The following ADK variants were observed in gnomAD, a reference collection of about 807,000 sequenced individuals.
The protein encoded by ADK is N6,N6-dimethyladenosine kinase.
A neutral mutation model predicts 44.7 loss-of-function variants in ADK; 24 were observed. That is an observed-to-expected ratio of 0.54 (90% CI 0.39 to 0.76). The LOEUF (loss-of-function observed/expected upper bound fraction) is 0.76, where lower values mean the gene tolerates loss of function less well. Among genes scored for constraint, ADK ranks in the 30% least tolerant of loss-of-function variants. The pLI, the probability that ADK is intolerant of heterozygous loss-of-function variation, is 0.00. For synonymous variants in ADK, 128 were observed against 142.6 expected, an observed-to-expected ratio of 0.90 and a Z score of 0.73; for missense variants, 321 against 425.1, an observed-to-expected ratio of 0.76 and a Z score of 2.15.
At chr10:74,700,449 G>GC (rs1856380897) in intron 10 of ADK, among the ~76,000 whole-genome samples, 1 of 152,124 alleles carries the variant, frequency 6.6e-6, no homozygotes, top group African/African-American at 2.4e-5. Flanking sequence ...CACCACGTTG[G>GC]CCAGGCAGGT....
At chr10:74,351,276 C>A (rs983747005) in intron 4 of ADK, among the ~76,000 whole-genome samples, 3 of 152,152 alleles carry the variant, frequency 2.0e-5, no homozygotes, top group African/African-American at 7.2e-5. Flanking sequence ...ATACGCAAAT[C>A]AATAAACGTA....
chr10:74,436,674 A>C lies in ADK; in HGVS notation c.555+38095A>C, dbSNP rs577795204. ...AATTGGTGAAAAGATAGCCTTTTCA[A>C]AATGTTGCTGTGGCAACATGACGTC... On this transcript the variant is annotated intron_variant, in intron 6 of 10. Coordinates refer to ENST00000539909, the MANE Select transcript of ADK (RefSeq NM_006721.4). Among the ~76,000 whole-genome samples, 133 of 152,332 alleles carry C rather than the reference A, an allele frequency of 8.7e-4. 1 individual carries two copies. The East Asian group carries it at 0.024, about 27-fold the overall frequency.
chr10:74,637,949 T>C (rs74375510), intron 9 of ADK, among the ~76,000 whole-genome samples: 1,664 of 152,330 alleles, frequency 0.011, 27 homozygotes, highest in African/African-American at 0.038. Flanking sequence ...ATAGTGCAGT[T>C]TATTGTATGT....
chr10:74,280,296 G>A (rs1318361284), intron 3 of ADK, among the ~76,000 whole-genome samples: 1 of 151,976 alleles, frequency 6.6e-6, no homozygotes. Context: ...TAGAGATGGG[G>A]TTTCACTGTG....
chr10:74,650,460 A>G (rs1243937807), intron 9 of ADK, among the ~76,000 whole-genome samples: 2 of 152,172 alleles, frequency 1.3e-5, no homozygotes, highest in East Asian at 3.8e-4. Context: ...TGCGCTTTAC[A>G]GCTCACATAG....
chr10:74,509,072 C>G (rs530900752), intron 6 of ADK, among the ~76,000 whole-genome samples: 1 of 152,304 alleles, frequency 6.6e-6, no homozygotes, highest in South Asian at 2.1e-4. Flanking sequence ...TCACCCTATC[C>G]TCCCACTTGA....
chr10:74,645,322 T>C (rs1161904361), intron 9 of ADK, among the ~76,000 whole-genome samples: 1 of 152,218 alleles, frequency 6.6e-6, no homozygotes, highest in Admixed American at 6.5e-5. Context: ...GGTTCTCTAG[T>C]GTGTCATTTC....
Position 74,155,824 on chromosome 10 carries a change from G to T in ADK, c.65+4481G>T, listed in dbSNP as rs898666466. Among the ~76,000 whole-genome samples, 9 of 152,260 alleles carry T rather than the reference G, an allele frequency of 5.9e-5. 1 individual carries two copies. The East Asian group carries it at 1.7e-3, about 29-fold the overall frequency. On this transcript the variant is annotated intron_variant, in intron 1 of 10. Coordinates refer to ENST00000539909, the MANE Select transcript of ADK (RefSeq NM_006721.4). Reference sequence around the variant, plus strand: ...CTGGATTACAGGGGTGAGCCACCGTGCCCGGCGACCCTATACTTTTAATAA... The same window carrying T: ...CTGGATTACAGGGGTGAGCCACCGTTCCCGGCGACCCTATACTTTTAATAA...
intron 2 of ADK, among the ~76,000 whole-genome samples, chr10:74,207,071 G>C (rs1843629998): frequency 6.6e-6 from 1 of 152,172 alleles, no homozygotes; most frequent in Admixed American, 6.5e-5. Flanking sequence ...ACTGTGTACA[G>C]CCACTCATGC....
intron 10 of ADK, among the ~76,000 whole-genome samples, chr10:74,690,646 GT>G (rs1054939667): frequency 6.6e-6 from 1 of 152,036 alleles, no homozygotes; most frequent in Admixed American, 6.6e-5. Flanking sequence ...TGCTTATAAT[GT>G]CTATCTCTGC....
chr10:74,303,877 GA>G (rs1840162228), intron 3 of ADK, among the ~76,000 whole-genome samples: 2 of 151,696 alleles, frequency 1.3e-5, no homozygotes, highest in South Asian at 4.2e-4. Context: ...GCTGAGGCAG[GA>G]GAATCGCTTG....
intron 1 of ADK, among the ~76,000 whole-genome samples, chr10:74,178,906 GGAATT>G (rs1385949482): frequency 2.6e-5 from 4 of 152,296 alleles, no homozygotes; most frequent in African/African-American, 9.6e-5. Context: ...GGCAAAATTA[GGAATT>G]GAATCCAGAT....
intron 8 of ADK, 110 bp from the exon 9 acceptor site, chr10:74,600,269 G>C: frequency 1.4e-6 from 1 of 691,622 alleles, no homozygotes; most frequent in South Asian, 1.6e-5. Flanking sequence ...TCTCTTAATA[G>C]ATATGCAGGT....
At chr10:74,675,425 G>A (rs955730932) in intron 10 of ADK, among the ~76,000 whole-genome samples, 1 of 152,090 alleles carries the variant, frequency 6.6e-6, no homozygotes, top group Non-Finnish European at 1.5e-5. Flanking sequence ...TACAAGCATC[G>A]CTCCTTGTTC....
At chr10:74,662,996 A>G (rs550643766) in intron 9 of ADK, among the ~76,000 whole-genome samples, 268 of 152,218 alleles carry the variant, frequency 1.8e-3, no homozygotes, top group African/African-American at 6.0e-3. Flanking sequence ...TGGGAGGCCA[A>G]GGTGGGTGGA....
At chr10:74,537,057 T>C (rs1263107043) in intron 7 of ADK, among the ~76,000 whole-genome samples, 1 of 152,162 alleles carries the variant, frequency 6.6e-6, no homozygotes, top group Non-Finnish European at 1.5e-5. Context: ...CCATTTTACA[T>C]TCCTACCATC....
chr10:74,428,205 A>G (rs1224054669), intron 6 of ADK, among the ~76,000 whole-genome samples: 1 of 152,214 alleles, frequency 6.6e-6, no homozygotes, highest in Non-Finnish European at 1.5e-5. Context: ...CCGTTTCTAA[A>G]TAAGCTCACA....
intron 7 of ADK, among the ~76,000 whole-genome samples, chr10:74,527,222 G>A (rs1849081632): frequency 1.3e-5 from 2 of 152,136 alleles, no homozygotes; most frequent in Admixed American, 1.3e-4. Context: ...TGAGCCAGGC[G>A]TGGTGGCGAG....
At chr10:74,498,300 C>T (rs1847765472) in intron 6 of ADK, among the ~76,000 whole-genome samples, 1 of 152,098 alleles carries the variant, frequency 6.6e-6, no homozygotes, top group Non-Finnish European at 1.5e-5. Flanking sequence ...TAAGATTTTA[C>T]CACTGATCAG....
Sources: gnomAD v4.1 joint callset for allele counts (sites outside exome capture counted in the v4.1 genomes callset) on GRCh38, gnomAD v4.1.1 for gene constraint, MANE v1.5 for transcripts, NCBI Gene and HGNC (gene_info 2026-07-23, HGNC 2026-07-21) for gene names.